The following MYO1D variants were observed in gnomAD, a reference collection of about 807,000 sequenced individuals.
MYO1D encodes the protein myosin ID, also known as unconventional myosin-Id.
Under a neutral mutation model 122.0 loss-of-function variants are expected in MYO1D, and 83 were observed. The ratio of observed to expected loss-of-function variants is 0.68; its 90% CI spans 0.57 to 0.82. The LOEUF (loss-of-function observed/expected upper bound fraction) is 0.82. Among genes scored for constraint, MYO1D ranks in the 40% least tolerant of loss-of-function variants. The pLI is 0.00. For synonymous variants in MYO1D, 464 were observed against 446.9 expected, an observed-to-expected ratio of 1.04 and a Z score of -0.48; for missense variants, 1,157 against 1,269.5, an observed-to-expected ratio of 0.91 and a Z score of 1.35.
At position 32,772,885 on chromosome 17, in the gene MYO1D, C is replaced by T. The variant is rs759979222; in HGVS notation, c.565-43G>A. 2.6e-6 allele frequency: 4 copies of T among 1,550,272 alleles called. No individual in the cohort carries two copies. In the South Asian group the frequency reaches 3.3e-5, roughly 13 times the overall value. On this transcript the variant is annotated intron_variant, in intron 4 of 21. Transcript: ENST00000318217. ...AAAATGGTTAACCCGAAAATGTGCC[C>T]CTAAAATAAAACAGGAGCCACTTTC... is the stretch of plus-strand genomic sequence containing the variant.
chr17:32,798,163 G>C (rs1201273852), intron 1 of MYO1D, among the ~76,000 whole-genome samples: 1 of 152,184 alleles, frequency 6.6e-6, no homozygotes, highest in Non-Finnish European at 1.5e-5. Flanking sequence ...GTTATTGTTT[G>C]ACTATTGTTT....
chr17:32,544,958 C>T (rs1442584293), intron 21 of MYO1D, among the ~76,000 whole-genome samples: 1 of 152,130 alleles, frequency 6.6e-6, no homozygotes, highest in Non-Finnish European at 1.5e-5. Flanking sequence ...TTCTCTTTCT[C>T]CAAGTTTTCT....
At chr17:32,841,821 G>A (rs1158304513) in intron 1 of MYO1D, among the ~76,000 whole-genome samples, 1 of 152,148 alleles carries the variant, frequency 6.6e-6, no homozygotes, top group Admixed American at 6.5e-5. Flanking sequence ...GTCTTTAGAT[G>A]TGCCAGAGGA....
chr17:32,612,047 T>C (rs2087708584), intron 20 of MYO1D, among the ~76,000 whole-genome samples: 1 of 152,064 alleles, frequency 6.6e-6, no homozygotes, highest in Admixed American at 6.6e-5. Context: ...AAGAATGAAA[T>C]AGCGTGGGAG....
intron 21 of MYO1D, among the ~76,000 whole-genome samples, chr17:32,508,591 G>A (rs1909580103): frequency 6.6e-6 from 1 of 152,182 alleles, no homozygotes; most frequent in Non-Finnish European, 1.5e-5. Flanking sequence ...ATGGTATCTT[G>A]TTATGGCAGC....
intron 20 of MYO1D, among the ~76,000 whole-genome samples, chr17:32,638,056 T>C (rs2088130112): frequency 1.3e-5 from 2 of 152,174 alleles, no homozygotes; most frequent in African/African-American, 4.8e-5. Context: ...ACCTGACACG[T>C]GAAAAGATCC....
intron 21 of MYO1D, among the ~76,000 whole-genome samples, chr17:32,538,366 C>G (rs1910724661): frequency 6.6e-6 from 1 of 151,414 alleles, no homozygotes; most frequent in Admixed American, 6.6e-5. Flanking sequence ...CTCACTGTAA[C>G]CTTGAGCTCC....
chr17:32,697,379 G>T (rs1432220224), intron 16 of MYO1D, among the ~76,000 whole-genome samples: 1 of 152,190 alleles, frequency 6.6e-6, no homozygotes, highest in Middle Eastern at 3.4e-3. Context: ...TTCAATCAAA[G>T]GTACGCTTTT....
chr17:32,805,226 C>T (rs558739361), intron 1 of MYO1D, among the ~76,000 whole-genome samples: 1 of 152,244 alleles, frequency 6.6e-6, no homozygotes, highest in African/African-American at 2.4e-5. Flanking sequence ...TTTCCAAATT[C>T]CAGAACTGTG....
chr17:32,573,854 TTTA>T (rs1447928873), intron 21 of MYO1D, among the ~76,000 whole-genome samples: 1 of 150,304 alleles, frequency 6.7e-6, no homozygotes, highest in Non-Finnish European at 1.5e-5. Context: ...TTGTTTATTT[TTTA>T]TTATTATTTT....
chr17:32,743,613 G>GTTA lies in MYO1D; in HGVS notation c.1613+1595_1613+1597dup, dbSNP rs775872937. Among the ~76,000 whole-genome samples the GTTA allele has an allele frequency of 5.1e-4, 75 of 147,088 alleles. 1 individual carries two copies. Among genetic ancestry groups the GTTA allele is most frequent in the Middle Eastern group, 7.4e-3 (2 of 270 alleles). Reference sequence around the variant, plus strand: ...AGCCTGCATTATTATTATTATTATTGTTATTATTATTATTATTATTTTGAG... The same window carrying GTTA: ...AGCCTGCATTATTATTATTATTATTGTTATTATTATTATTATTATTATTTTGAG... On this transcript the variant is annotated intron_variant, in intron 13 of 21. Coordinates refer to ENST00000318217, the MANE Select transcript of MYO1D (RefSeq NM_015194.3).
chr17:32,704,523 T>C (rs1045993556), intron 16 of MYO1D, among the ~76,000 whole-genome samples: 1 of 152,170 alleles, frequency 6.6e-6, no homozygotes, highest in African/African-American at 2.4e-5. Context: ...ACCTTAACAG[T>C]GTACATCTTT....
chr17:32,643,156 C>G (rs1210025116), intron 19 of MYO1D, among the ~76,000 whole-genome samples: 2 of 152,096 alleles, frequency 1.3e-5, no homozygotes, highest in African/African-American at 4.8e-5. Context: ...TTGTCAAAGG[C>G]CTTTTCTGCA....
At chr17:32,689,819 A>T (rs1416282063) in intron 16 of MYO1D, among the ~76,000 whole-genome samples, 1 of 151,986 alleles carries the variant, frequency 6.6e-6, no homozygotes, top group African/African-American at 2.4e-5. Flanking sequence ...CCTGGGTTCA[A>T]GCAATTCTCC....
chr17:32,730,902 G>GTT (rs2089630118), intron 14 of MYO1D, among the ~76,000 whole-genome samples: 1 of 124,280 alleles, frequency 8.0e-6, no homozygotes, highest in African/African-American at 3.2e-5. Flanking sequence ...TCTTCCACGT[G>GTT]TCTTTTTTTT....
chr17:32,636,890 C>T (rs972496815), intron 20 of MYO1D, among the ~76,000 whole-genome samples: 7 of 152,210 alleles, frequency 4.6e-5, no homozygotes, highest in African/African-American at 1.7e-4. Flanking sequence ...GGCTGGTATG[C>T]ACAAATATGG....
At chr17:32,814,402 C>G (rs2090597131) in intron 1 of MYO1D, among the ~76,000 whole-genome samples, 1 of 152,176 alleles carries the variant, frequency 6.6e-6, no homozygotes, top group Non-Finnish European at 1.5e-5. Context: ...TTTATCCCTT[C>G]TTTTTTTCCT....
At chr17:32,662,105 T>C (rs1334872954) in intron 16 of MYO1D, among the ~76,000 whole-genome samples, 2 of 152,188 alleles carry the variant, frequency 1.3e-5, no homozygotes, top group Non-Finnish European at 2.9e-5. Context: ...ACTGAATCTT[T>C]TTCTTTGATA....
chr17:32,783,963 C>A (rs1049932240), intron 1 of MYO1D, among the ~76,000 whole-genome samples: 21 of 152,120 alleles, frequency 1.4e-4, no homozygotes, highest in African/African-American at 4.8e-4. Flanking sequence ...GTGCCAGATA[C>A]CGGGTCAAAC....
Sources: allele counts gnomAD v4.1 joint callset (sites outside exome capture counted in the v4.1 genomes callset), GRCh38; gene constraint gnomAD v4.1.1; transcripts MANE v1.5; gene names NCBI Gene and HGNC (gene_info 2026-07-23, HGNC 2026-07-21).